Variants in CCDC102B observed in about 807,000 individuals in gnomAD.
CCDC102B encodes coiled-coil domain containing 102B, also known as coiled-coil domain-containing protein 102B.
CCDC102B carries 75 observed loss-of-function variants against 57.4 expected under a neutral mutation model. That is an observed-to-expected ratio of 1.31 (90% CI 1.08 to 1.58). The LOEUF (loss-of-function observed/expected upper bound fraction) is 1.58, where lower values mean the gene tolerates loss of function less well. Ranked by LOEUF, CCDC102B falls within the 40% of genes most tolerant of loss-of-function variation. CCDC102B has a pLI of 0.00. For missense variants in CCDC102B, 636 were observed against 582.6 expected (o/e 1.09, Z -0.94); for synonymous variants, 206 against 201.9 (o/e 1.02, Z -0.17).
intron 1 of CCDC102B, among the ~76,000 whole-genome samples, chr18:68,823,568 A>C (rs1337291220): frequency 6.6e-6 from 1 of 152,216 alleles, no homozygotes; most frequent in Admixed American, 6.5e-5. Context: ...GTATATACCC[A>C]GTAATGGGAT....
chr18:68,894,559 T>G (rs969263692), intron 5 of CCDC102B, among the ~76,000 whole-genome samples: 4 of 151,866 alleles, frequency 2.6e-5, no homozygotes, highest in African/African-American at 7.2e-5. Context: ...TACCTGACTT[T>G]TTATTTATCA....
At chr18:68,733,873 T>C (rs1313192917) in intron 2 of CCDC102B, among the ~76,000 whole-genome samples, 1 of 152,118 alleles carries the variant, frequency 6.6e-6, no homozygotes, top group East Asian at 1.9e-4. Flanking sequence ...ATAAAAATGG[T>C]GACATCTGCT....
chr18:68,948,325 A>G (rs902234562), intron 6 of CCDC102B, among the ~76,000 whole-genome samples: 4 of 152,110 alleles, frequency 2.6e-5, no homozygotes, highest in African/African-American at 9.7e-5. Flanking sequence ...ATTTTAAATA[A>G]AATTCATAAC....
At chr18:68,852,035 A>G (rs983987788) in intron 4 of CCDC102B, among the ~76,000 whole-genome samples, 2 of 152,156 alleles carry the variant, frequency 1.3e-5, no homozygotes, top group African/African-American at 2.4e-5. Context: ...ATTAAACAGC[A>G]TTAGTCATTT....
intron 6 of CCDC102B, among the ~76,000 whole-genome samples, chr18:68,910,923 G>GA (rs34251212): frequency 0.57 from 83,292 of 147,142 alleles, 23,969 homozygotes; most frequent in East Asian, 0.87. Context: ...TAAAAAGGGG[G>GA]AAAAAAAAAA....
intron 2 of CCDC102B, among the ~76,000 whole-genome samples, chr18:68,717,850 A>G (rs1361798485): frequency 6.6e-6 from 1 of 152,176 alleles, no homozygotes; most frequent in Admixed American, 6.5e-5. Context: ...CAAATTTCAT[A>G]TGTTGAAACT....
chr18:68,762,403 T>C (rs924129820), intron 2 of CCDC102B, among the ~76,000 whole-genome samples: 1 of 152,092 alleles, frequency 6.6e-6, no homozygotes, highest in East Asian at 1.9e-4. Context: ...TTGTTTTTTG[T>C]TTTTGGTTTT....
rs372487869 is a variant in CCDC102B, at chr18:68,857,193, AT to A, written c.936+10777del. ...ATAATATATAAAAATATATTTATATATTTTTATATAATATATAAAAATATAT... is the reference window on the plus strand; with the variant it reads ...ATAATATATAAAAATATATTTATATATTTTATATAATATATAAAAATATAT... On this transcript the variant is annotated intron_variant, in intron 4 of 7. Transcript: ENST00000360242. 1.6e-3 allele frequency among the ~76,000 whole-genome samples: 52 copies of A among 31,780 alleles called. 5 individuals are homozygous for A. The highest frequency in any genetic ancestry group is 5.0e-3 in the African/African-American group (33 of 6,610). 20.8% of individuals were successfully genotyped at this position (31,780 alleles called of 152,430 possible).
chr18:68,918,111 A>G (rs1480524989), intron 6 of CCDC102B, among the ~76,000 whole-genome samples: 1 of 152,208 alleles, frequency 6.6e-6, no homozygotes, highest in Non-Finnish European at 1.5e-5. Context: ...GGTAAAGACA[A>G]TTAGAAAATT....
At chr18:68,971,785 A>G (rs1306748903) in intron 6 of CCDC102B, among the ~76,000 whole-genome samples, 1 of 152,142 alleles carries the variant, frequency 6.6e-6, no homozygotes, top group African/African-American at 2.4e-5. Flanking sequence ...AACATACATC[A>G]TAGCATGTCA....
rs376208099 is a variant in CCDC102B at position 68,863,246 on chromosome 18, A to G, written c.937-11423A>G. On this transcript the variant is annotated intron_variant, in intron 4 of 7. Coordinates refer to ENST00000360242, the MANE Select transcript of CCDC102B (RefSeq NM_024781.3). ...TAATAATTTATTCATTAAAAAATCTAGATCATTTATCCTGTAGAGTTTTAA... is the reference window on the plus strand; with the variant it reads ...TAATAATTTATTCATTAAAAAATCTGGATCATTTATCCTGTAGAGTTTTAA... Among the ~76,000 whole-genome samples the G allele has an allele frequency of 1.8e-4, 28 of 151,854 alleles. No homozygotes were observed. The South Asian group carries it at 5.6e-3, about 30-fold the overall frequency.
At chr18:68,908,383 A>C (rs897791013) in intron 6 of CCDC102B, 1 of 152,146 alleles carries the variant, frequency 6.6e-6, no homozygotes, top group Non-Finnish European at 1.5e-5. Context: ...TGAACCTTTG[A>C]CTGCTTTCCA....
chr18:69,044,912 G>A (rs971878697), intron 7 of CCDC102B, among the ~76,000 whole-genome samples: 7 of 152,258 alleles, frequency 4.6e-5, no homozygotes, highest in East Asian at 1.9e-4. Flanking sequence ...GAGGCTGTAC[G>A]TTCAGAATCT....
intron 3 of CCDC102B, among the ~76,000 whole-genome samples, chr18:68,844,747 A>T (rs1371060544): frequency 6.6e-6 from 1 of 151,838 alleles, no homozygotes; most frequent in Non-Finnish European, 1.5e-5. Context: ...TCTCTATTTA[A>T]TTATTTTCCT....
intron 5 of CCDC102B, among the ~76,000 whole-genome samples, chr18:68,883,419 A>G (rs2144965972): frequency 6.6e-6 from 1 of 152,272 alleles, no homozygotes; most frequent in South Asian, 2.1e-4. Context: ...ATGAGAAAAA[A>G]AAATGTATAT....
intron 2 of CCDC102B, among the ~76,000 whole-genome samples, chr18:68,724,595 C>A (rs2032507238): frequency 1.3e-5 from 2 of 152,196 alleles, no homozygotes; most frequent in Non-Finnish European, 1.5e-5. Flanking sequence ...TATTCCAGTT[C>A]CCAACAAGTT....
intron 6 of CCDC102B, among the ~76,000 whole-genome samples, chr18:68,982,799 CAT>C (rs1372963055): frequency 6.6e-6 from 1 of 151,750 alleles, no homozygotes; most frequent in African/African-American, 2.4e-5. Context: ...AACAGTGTCT[CAT>C]AGTAGTGGCC....
At chr18:68,808,381 T>A (rs564874758) in intron 1 of CCDC102B, among the ~76,000 whole-genome samples, 72 of 152,130 alleles carry the variant, frequency 4.7e-4, no homozygotes, top group African/African-American at 1.7e-3. Context: ...GGTGATATAC[T>A]TGCATGTATT....
intron 6 of CCDC102B, among the ~76,000 whole-genome samples, chr18:68,914,960 A>T (rs2041010801): frequency 7.1e-6 from 1 of 140,014 alleles, no homozygotes; most frequent in African/African-American, 2.7e-5. Context: ...TTTTTGATTT[A>T]GGCACTACTG....
Sources: allele counts gnomAD v4.1 joint callset (sites outside exome capture counted in the v4.1 genomes callset), GRCh38; gene constraint gnomAD v4.1.1; transcripts MANE v1.5; gene names NCBI Gene and HGNC (gene_info 2026-07-23, HGNC 2026-07-21).